Variants in ZNF536 observed in about 807,000 individuals in gnomAD.
The protein encoded by ZNF536 is zinc finger protein 536.
Under a neutral mutation model 84.5 loss-of-function variants are expected in ZNF536, and 13 were observed. The ratio of observed to expected loss-of-function variants is 0.15; its 90% CI spans 0.10 to 0.24. The LOEUF (loss-of-function observed/expected upper bound fraction) is 0.24, where lower values mean the gene tolerates loss of function less well. ZNF536 is among the 10% of genes least tolerant of loss of function. The probability of loss-of-function intolerance (pLI) is 1.00; values close to 1 mark genes in which losing one functional copy is unlikely to be tolerated. For synonymous variants in ZNF536, 811 were observed against 742.5 expected (o/e 1.09, Z -1.50); for missense variants, 1,536 against 1,747.5 (o/e 0.88, Z 2.16).
intron 1 of ZNF536, chr19:30,665,706 C>G (rs972258987): frequency 6.6e-6 from 1 of 152,284 alleles, no homozygotes. Flanking sequence ...CTTTCCATGT[C>G]CATTCCAGGC....
At chr19:30,285,544 C>T (rs1433416067) in intron 2 of ZNF536, among the ~76,000 whole-genome samples, 1 of 152,122 alleles carries the variant, frequency 6.6e-6, no homozygotes, top group African/African-American at 2.4e-5. Flanking sequence ...TGGTTTTTTC[C>T]TCCCCTCTGT....
At chr19:30,611,664 C>A (rs79287958) in intron 1 of ZNF536, among the ~76,000 whole-genome samples, 3 of 152,052 alleles carry the variant, frequency 2.0e-5, no homozygotes, top group Non-Finnish European at 4.4e-5. Flanking sequence ...GGTGACATGG[C>A]GCGTACTATT....
chr19:30,468,530 C>T (rs2053504286), intron 2 of ZNF536, among the ~76,000 whole-genome samples: 1 of 152,108 alleles, frequency 6.6e-6, no homozygotes, highest in Admixed American at 6.5e-5. Flanking sequence ...GGCGAGGGGT[C>T]TGCATTGAGC....
intron 1 of ZNF536, among the ~76,000 whole-genome samples, chr19:30,440,884 TA>T (rs2052006658): frequency 1.9e-3 from 2 of 1,078 alleles, no homozygotes; most frequent in Non-Finnish European, 5.9e-3. Context: ...CTGGCCAGGA[TA>T]GATAGATAGA....
chr19:30,281,302 CCTT>C (rs1286937857), intron 1 of ZNF536, among the ~76,000 whole-genome samples: 1 of 152,168 alleles, frequency 6.6e-6, no homozygotes, highest in Non-Finnish European at 1.5e-5. Context: ...TTCAGCCTTC[CCTT>C]CTTTAGCCCC....
chr19:30,478,148 C>T (rs1363871031), intron 2 of ZNF536, among the ~76,000 whole-genome samples: 1 of 138,832 alleles, frequency 7.2e-6, no homozygotes, highest in Non-Finnish European at 1.5e-5. Context: ...CATGGATAAT[C>T]CTTGGTGTTT....
chr19:30,558,552 G>A (rs978600869), downstream of ZNF536, among the ~76,000 whole-genome samples: 1 of 152,198 alleles, frequency 6.6e-6, no homozygotes, highest in Admixed American at 6.5e-5. Flanking sequence ...CAGGATTCGC[G>A]GAGGTGGGAA....
chr19:30,466,779 A>AGGAAGGAAGGAG (rs2053430193), intron 2 of ZNF536, among the ~76,000 whole-genome samples: 1 of 145,508 alleles, frequency 6.9e-6, no homozygotes, highest in Non-Finnish European at 1.5e-5. Context: ...GAAGGAAGGA[A>AGGAAGGAAGGAG]GGAAGGAAGG....
chr19:30,443,749 T>A lies in ZNF536; in HGVS notation c.187T>A (p.Ser63Thr), dbSNP rs2148151717. Residue 63 changes from serine to threonine, a missense_variant, in exon 2 of 5, where the codon TCC (serine) becomes ACC (threonine). Coordinates refer to ENST00000355537, the MANE Select transcript of ZNF536 (RefSeq NM_014717.3). ...RPNPEEKPPA[S>T]LEEKAHVPMS... ...CAACCCCGAGGAGAAGCCCCCCGCA[T>A]CCCTGGAGGAGAAGGCCCACGTGCC... The A allele has an allele frequency of 6.2e-7, 1 of 1,612,934 alleles. No homozygotes were observed. The highest frequency in any genetic ancestry group is 8.5e-7 in the Non-Finnish European group (1 of 1,179,650).
At chr19:30,664,832 C>T (rs867080415) in intron 1 of ZNF536, among the ~76,000 whole-genome samples, 3 of 152,146 alleles carry the variant, frequency 2.0e-5, no homozygotes, top group South Asian at 2.1e-4. Flanking sequence ...GGACCCTTCC[C>T]GGCTGGGAGG....
At chr19:30,552,751 G>A (rs1270333750) in intron 4 of ZNF536, among the ~76,000 whole-genome samples, 1 of 152,228 alleles carries the variant, frequency 6.6e-6, no homozygotes, top group Non-Finnish European at 1.5e-5. Flanking sequence ...GAGAGCCACC[G>A]AGGGGAGAAG....
At chr19:30,579,638 G>A (rs1191160471) in intron 1 of ZNF536, among the ~76,000 whole-genome samples, 1 of 152,166 alleles carries the variant, frequency 6.6e-6, no homozygotes, top group Non-Finnish European at 1.5e-5. Flanking sequence ...AGTGTGGGAG[G>A]AACCTAGCAG....
intron 1 of ZNF536, among the ~76,000 whole-genome samples, chr19:30,238,723 A>C (rs943859371): frequency 2.6e-5 from 4 of 151,960 alleles, no homozygotes; most frequent in African/African-American, 9.7e-5. Context: ...CCTAGGTAGG[A>C]TCGGCACTGT....
At chr19:30,560,838 A>G (rs1279081601), downstream of ZNF536, among the ~76,000 whole-genome samples, 3 of 152,252 alleles carry the variant, frequency 2.0e-5, no homozygotes, top group African/African-American at 7.2e-5. Flanking sequence ...GCGATGATTA[A>G]ATTACATCCC....
At chr19:30,654,942 C>T (rs558042624) in intron 1 of ZNF536, among the ~76,000 whole-genome samples, 1 of 151,978 alleles carries the variant, frequency 6.6e-6, no homozygotes, top group African/African-American at 2.4e-5. Context: ...TTTCTGAATG[C>T]TGGTTAAAGG....
chr19:30,658,961 G>T (rs866075108), intron 1 of ZNF536, among the ~76,000 whole-genome samples: 8 of 152,194 alleles, frequency 5.3e-5, no homozygotes, highest in African/African-American at 1.9e-4. Context: ...TTTAAAATAG[G>T]TTTCTTGTAT....
intron 1 of ZNF536, among the ~76,000 whole-genome samples, chr19:30,579,819 G>T (rs2046858166): frequency 6.6e-6 from 1 of 152,196 alleles, no homozygotes; most frequent in Non-Finnish European, 1.5e-5. Context: ...GCACTCTGGT[G>T]AGATGTTCCA....
intron 2 of ZNF536, among the ~76,000 whole-genome samples, chr19:30,472,581 G>A (rs757931225): frequency 2.2e-4 from 34 of 152,206 alleles, no homozygotes; most frequent in Non-Finnish European, 4.4e-4. Context: ...ACCCAGTGTA[G>A]TGATGGATAA....
intron 2 of ZNF536, among the ~76,000 whole-genome samples, chr19:30,473,134 A>T (rs1264904741): frequency 6.6e-6 from 1 of 151,822 alleles, no homozygotes; most frequent in African/African-American, 2.4e-5. Flanking sequence ...TGAACCCAGG[A>T]GGTGGAGGTT....
Sources: gnomAD v4.1 joint callset for allele counts (sites outside exome capture counted in the v4.1 genomes callset) on GRCh38, gnomAD v4.1.1 for gene constraint, MANE v1.5 for transcripts, NCBI Gene and HGNC (gene_info 2026-07-23, HGNC 2026-07-21) for gene names.